Variants in DTWD2 observed in about 807,000 individuals in gnomAD.
DTWD2 encodes DTW motif tRNA-uridine aminocarboxypropyltransferase 2.
In DTWD2, 39 loss-of-function variants were observed where a neutral mutation model predicts 31.8. That is an observed-to-expected ratio of 1.22 (90% CI 0.95 to 1.60). DTWD2 has a LOEUF of 1.60. Ranked by LOEUF, DTWD2 falls within the 40% of genes most tolerant of loss-of-function variation. The pLI is 0.00. For missense variants in DTWD2, 515 were observed against 381.5 expected, an observed-to-expected ratio of 1.35 and a Z score of -2.92; for synonymous variants, 180 against 142.8, an observed-to-expected ratio of 1.26 and a Z score of -1.86.
intron 3 of DTWD2, among the ~76,000 whole-genome samples, chr5:118,930,941 T>A (rs1753909321): frequency 6.6e-6 from 1 of 151,934 alleles, no homozygotes; most frequent in Non-Finnish European, 1.5e-5. Context: ...TGATGACATA[T>A]TTTAAATTGA....
In DTWD2 at chr5:118,838,707, T is replaced by G. The variant is rs1460649368; in HGVS notation, c.*2210A>C. The G allele has an allele frequency of 6.6e-6, 1 of 152,132 alleles. No homozygotes were observed. Among genetic ancestry groups the G allele is most frequent in the Non-Finnish European group, 1.5e-5 (1 of 68,010 alleles). The allele number at this position is 152,132 out of a possible 1,614,324, so 9.4% of individuals were successfully genotyped here. A position where few individuals can be genotyped will look rare whatever the true frequency, so the allele number is the denominator to read the frequency against. On this transcript the variant is annotated 3_prime_UTR_variant, in exon 6 of 6. Coordinates refer to ENST00000510708, the MANE Select transcript of DTWD2 (RefSeq NM_173666.4). ...AGTAATTTGGAAAACTATACATACT[T>G]CAAGAAAATTTTATACATTTCCAAA...
chr5:118,952,196 C>G (rs112221521), intron 1 of DTWD2, among the ~76,000 whole-genome samples: 2,684 of 152,218 alleles, frequency 0.018, 38 homozygotes, highest in Non-Finnish European at 0.03. Context: ...ATCTTTCTCA[C>G]GGAGCAAAGA....
At chr5:118,880,008 A>C (rs1752705897) in intron 4 of DTWD2, among the ~76,000 whole-genome samples, 2 of 152,224 alleles carry the variant, frequency 1.3e-5, no homozygotes, top group South Asian at 4.1e-4. Flanking sequence ...GATAGAGTGA[A>C]TACAATACAA....
intron 4 of DTWD2, among the ~76,000 whole-genome samples, chr5:118,922,981 T>G (rs967815742): frequency 6.6e-6 from 1 of 152,232 alleles, no homozygotes; most frequent in Non-Finnish European, 1.5e-5. Flanking sequence ...TCTTATTCTT[T>G]TTTTTAACCA....
At chr5:118,980,292 C>G (rs1348006384) in intron 1 of DTWD2, among the ~76,000 whole-genome samples, 1 of 152,224 alleles carries the variant, frequency 6.6e-6, no homozygotes, top group Non-Finnish European at 1.5e-5. Context: ...ACTGTGTGCA[C>G]AGCATCTACC....
At chr5:118,879,365 G>C (rs527437129) in intron 4 of DTWD2, among the ~76,000 whole-genome samples, 2 of 152,196 alleles carry the variant, frequency 1.3e-5, no homozygotes, top group South Asian at 4.1e-4. Context: ...TCAGCACTTT[G>C]GGAGGCTGAT....
intron 4 of DTWD2, 87 bp from the exon 5 acceptor site, chr5:118,848,305 C>A: frequency 2.5e-6 from 3 of 1,223,674 alleles, no homozygotes; most frequent in Middle Eastern, 2.6e-4. Flanking sequence ...TACTTTCCTT[C>A]CAAAACTGCC....
At chr5:118,872,224 A>G (rs1176580510) in intron 4 of DTWD2, among the ~76,000 whole-genome samples, 3 of 152,182 alleles carry the variant, frequency 2.0e-5, no homozygotes, top group Admixed American at 6.5e-5. Flanking sequence ...TTTTCTCCCT[A>G]TCAGCAATAA....
chr5:118,861,836 G>T (rs1471879188), intron 4 of DTWD2, among the ~76,000 whole-genome samples: 1 of 152,198 alleles, frequency 6.6e-6, no homozygotes, highest in African/African-American at 2.4e-5. Flanking sequence ...AGTAACTGGA[G>T]AGGCTCAATT....
intron 4 of DTWD2, among the ~76,000 whole-genome samples, chr5:118,911,921 C>G (rs1390086820): frequency 1.3e-5 from 2 of 152,196 alleles, no homozygotes; most frequent in Non-Finnish European, 2.9e-5. Flanking sequence ...TGGTGCACCA[C>G]ACAAAGTACC....
At chr5:118,863,906 C>T (rs1752323420) in intron 4 of DTWD2, among the ~76,000 whole-genome samples, 1 of 151,796 alleles carries the variant, frequency 6.6e-6, no homozygotes, top group Non-Finnish European at 1.5e-5. Flanking sequence ...AGGGTTGAAC[C>T]CATGTCTGTC....
At chr5:118,914,280 G>T (rs560760626) in intron 4 of DTWD2, among the ~76,000 whole-genome samples, 1 of 152,122 alleles carries the variant, frequency 6.6e-6, no homozygotes, top group African/African-American at 2.4e-5. Context: ...CTAGGAGTGC[G>T]TTCTTTCTCC....
chr5:118,977,086 C>T (rs1270928320), intron 1 of DTWD2, among the ~76,000 whole-genome samples: 8 of 152,154 alleles, frequency 5.3e-5, no homozygotes, highest in Admixed American at 5.2e-4. Flanking sequence ...ATGACAAAAA[C>T]CACATGATTA....
intron 4 of DTWD2, among the ~76,000 whole-genome samples, chr5:118,902,981 A>T (rs536927372): frequency 6.6e-6 from 1 of 152,234 alleles, no homozygotes; most frequent in African/African-American, 2.4e-5. Context: ...TCTATGTTGT[A>T]GCACATCATA....
chr5:118,975,676 G>C (rs1755137734), intron 1 of DTWD2, among the ~76,000 whole-genome samples: 2 of 151,988 alleles, frequency 1.3e-5, no homozygotes. Flanking sequence ...ATCTACCTTT[G>C]GTCTTTGACG....
In DTWD2 at chr5:118,944,558, C is replaced by G; in HGVS notation, c.309+1G>C. The G allele has an allele frequency of 6.2e-7, 1 of 1,612,558 alleles. No homozygotes were observed. The highest frequency in any genetic ancestry group is 8.5e-7 in the Non-Finnish European group (1 of 1,179,328). ...AAATCCTGTATTTTACAAAATCTTA[C>G]CTCTGCTGGATGCTGAATTATGTAC... On this transcript the variant is annotated splice_donor_variant, in intron 2 of 5. Coordinates refer to ENST00000510708, the MANE Select transcript of DTWD2 (RefSeq NM_173666.4). LOFTEE classifies it high-confidence loss of function.
At chr5:118,966,385 A>G (rs1412451041) in intron 1 of DTWD2, among the ~76,000 whole-genome samples, 1 of 152,300 alleles carries the variant, frequency 6.6e-6, no homozygotes, top group East Asian at 1.9e-4. Flanking sequence ...GTAAAGTGTG[A>G]CTTTTTCTTC....
intron 1 of DTWD2, among the ~76,000 whole-genome samples, chr5:118,961,982 C>T (rs1025212348): frequency 1.3e-5 from 2 of 152,136 alleles, no homozygotes; most frequent in African/African-American, 2.4e-5. Context: ...TGGCTCATGC[C>T]GGTAATCCCA....
chr5:118,931,740 A>G (rs1403291067), intron 3 of DTWD2, among the ~76,000 whole-genome samples: 1 of 152,210 alleles, frequency 6.6e-6, no homozygotes, highest in Non-Finnish European at 1.5e-5. Context: ...AATCAACTTG[A>G]TCTAATTGAT....
Sources: allele counts gnomAD v4.1 joint callset (sites outside exome capture counted in the v4.1 genomes callset), GRCh38; gene constraint gnomAD v4.1.1; transcripts MANE v1.5; gene names NCBI Gene and HGNC (gene_info 2026-07-23, HGNC 2026-07-21).